DPP6: variants seen among roughly 807,000 people sequenced by gnomAD.
DPP6 encodes dipeptidyl peptidase like 6, also known as A-type potassium channel modulatory protein DPP6.
Under a neutral mutation model 122.6 loss-of-function variants are expected in DPP6, and 69 were observed. That is an observed-to-expected ratio of 0.56 (90% CI 0.46 to 0.69). The LOEUF is 0.69. DPP6 is among the 30% of genes least tolerant of loss of function. DPP6 has a pLI of 0.00. For missense variants in DPP6, 928 were observed against 1,116.9 expected (o/e 0.83, Z 2.41); for synonymous variants, 418 against 433.1 (o/e 0.97, Z 0.43).
At chr7:153,779,382 C>A in the DPP6 span, among the ~76,000 whole-genome samples, 1 of 151,740 alleles carries the variant, frequency 6.6e-6, no homozygotes, top group East Asian at 1.9e-4. Flanking sequence ...AGCAAAAGTT[C>A]AAGGAGAAAT....
intron 17 of DPP6, among the ~76,000 whole-genome samples, chr7:154,860,446 T>C (rs193238914): frequency 6.6e-6 from 1 of 152,254 alleles, no homozygotes; most frequent in Non-Finnish European, 1.5e-5. Flanking sequence ...GGACCCCAGG[T>C]TGCAGACAGG....
intron 1 of DPP6, among the ~76,000 whole-genome samples, chr7:153,923,484 C>G (rs868771278): frequency 2.8e-4 from 42 of 151,966 alleles, no homozygotes; most frequent in Non-Finnish European, 5.6e-4. Context: ...CATCTTGGCC[C>G]GGCGTGGTGG....
chr7:154,442,585 A>G (rs966773678), intron 1 of DPP6, among the ~76,000 whole-genome samples: 8 of 152,162 alleles, frequency 5.3e-5, no homozygotes, highest in African/African-American at 1.7e-4. Context: ...ACAATAGGGT[A>G]TGAGCGGAGT....
chr7:154,232,455 C>T (rs925932873), intron 1 of DPP6, among the ~76,000 whole-genome samples: 1 of 152,194 alleles, frequency 6.6e-6, no homozygotes, highest in Admixed American at 6.5e-5. Flanking sequence ...TAGATAAGTA[C>T]CATCAGAACA....
At chr7:154,751,705 C>A (rs1843399774) in intron 8 of DPP6, among the ~76,000 whole-genome samples, 1 of 152,094 alleles carries the variant, frequency 6.6e-6, no homozygotes, top group African/African-American at 2.4e-5. Flanking sequence ...ATAGGACAGA[C>A]ACATGTCCAG....
chr7:153,996,881 A>G (rs73481304), intron 1 of DPP6, among the ~76,000 whole-genome samples: 3,077 of 152,288 alleles, frequency 0.02, 99 homozygotes, highest in East Asian at 0.16. Flanking sequence ...AATCATGTCT[A>G]TGTATGTTAT....
At chr7:154,501,088 G>A (rs1825199123) in intron 3 of DPP6, among the ~76,000 whole-genome samples, 1 of 152,170 alleles carries the variant, frequency 6.6e-6, no homozygotes, top group South Asian at 2.1e-4. Flanking sequence ...CTAGAGATTT[G>A]TGGAACTTTG....
intron 1 of DPP6, among the ~76,000 whole-genome samples, chr7:153,918,121 T>A (rs1221171283): frequency 6.6e-6 from 1 of 152,202 alleles, no homozygotes; most frequent in Non-Finnish European, 1.5e-5. Flanking sequence ...ATGGCACATT[T>A]ATTCCCAAAG....
intron 1 of DPP6, among the ~76,000 whole-genome samples, chr7:154,056,630 C>T (rs1438393338): frequency 6.6e-6 from 1 of 152,152 alleles, no homozygotes; most frequent in Non-Finnish European, 1.5e-5. Context: ...GATTTTAAAG[C>T]AGCAAATTGG....
intron 1 of DPP6, among the ~76,000 whole-genome samples, chr7:153,965,617 A>C (rs984429232): frequency 6.6e-5 from 10 of 152,104 alleles, no homozygotes; most frequent in African/African-American, 1.7e-4. Context: ...GGTTCACGCC[A>C]TTCTCCTGCC....
At chr7:153,858,883 G>A in the DPP6 span, among the ~76,000 whole-genome samples, 1 of 152,166 alleles carries the variant, frequency 6.6e-6, no homozygotes, top group African/African-American at 2.4e-5. Flanking sequence ...GCATCACGCT[G>A]TCTTGTGACA....
intron 3 of DPP6, chr7:154,475,455 A>G: frequency 4.2e-6 from 1 of 238,660 alleles, no homozygotes; most frequent in Non-Finnish European, 8.3e-6. Flanking sequence ...AGGCAGAAGG[A>G]CCAAAAGCAA....
chr7:154,876,136 G>A (rs769955722), intron 20 of DPP6, 36 bp downstream of exon 20: 4 of 1,534,288 alleles, frequency 2.6e-6, no homozygotes, highest in African/African-American at 1.4e-5. Flanking sequence ...GAGGCCGGGA[G>A]GGGACGGGGC....
At chr7:154,013,099 T>C (rs759913573) in intron 1 of DPP6, among the ~76,000 whole-genome samples, 13 of 152,376 alleles carry the variant, frequency 8.5e-5, no homozygotes, top group South Asian at 2.1e-4. Flanking sequence ...TCTCCCAGGC[T>C]GGAAAACAGC....
At chr7:154,175,375 A>G (rs1797747390) in intron 1 of DPP6, among the ~76,000 whole-genome samples, 1 of 152,142 alleles carries the variant, frequency 6.6e-6, no homozygotes, top group African/African-American at 2.4e-5. Context: ...GGAAGGACTC[A>G]GTGTGCAACT....
intron 1 of DPP6, among the ~76,000 whole-genome samples, chr7:154,070,533 T>C (rs181334703): frequency 3.1e-3 from 478 of 152,290 alleles, no homozygotes; most frequent in African/African-American, 0.011. Flanking sequence ...CTAATATACA[T>C]GCTGTCAAAT....
intron 1 of DPP6, among the ~76,000 whole-genome samples, chr7:154,338,977 C>G (rs1809677232): frequency 6.6e-6 from 1 of 152,184 alleles, no homozygotes. Context: ...ATCTGTCTCC[C>G]CGAGGTTATT....
chr7:153,823,995 A>G, the DPP6 span, among the ~76,000 whole-genome samples: 1 of 152,108 alleles, frequency 6.6e-6, no homozygotes, highest in Non-Finnish European at 1.5e-5. Context: ...TGCTAAACAA[A>G]ATGTGTTTCA....
intron 1 of DPP6, among the ~76,000 whole-genome samples, chr7:154,379,103 T>C (rs945419055): frequency 3.9e-5 from 6 of 152,210 alleles, no homozygotes; most frequent in African/African-American, 1.4e-4. Context: ...TTTAAACATA[T>C]GAATTTTGTT....
Sources: gnomAD v4.1 joint callset for allele counts (sites outside exome capture counted in the v4.1 genomes callset) on GRCh38, gnomAD v4.1.1 for gene constraint, MANE v1.5 for transcripts, NCBI Gene and HGNC (gene_info 2026-07-23, HGNC 2026-07-21) for gene names.